Variants in ANKS1B observed in about 807,000 individuals in gnomAD.
ANKS1B encodes the protein ankyrin repeat and sterile alpha motif domain-containing protein 1B.
In ANKS1B, 36 loss-of-function variants were observed where a neutral mutation model predicts 148.3. That is an observed-to-expected ratio of 0.24 (90% CI 0.19 to 0.32). ANKS1B has a LOEUF of 0.32. Ranked by LOEUF, ANKS1B falls within the 10% of genes least tolerant of loss-of-function variation. The pLI is 1.00. For missense variants in ANKS1B, 1,157 were observed against 1,542.6 expected, an observed-to-expected ratio of 0.75 and a Z score of 4.19; for synonymous variants, 542 against 560.8, an observed-to-expected ratio of 0.97 and a Z score of 0.47.
intron 9 of ANKS1B, among the ~76,000 whole-genome samples, chr12:99,620,981 A>C (rs1367592429): frequency 6.6e-6 from 1 of 152,174 alleles, no homozygotes; most frequent in Non-Finnish European, 1.5e-5. Context: ...GTCAACACTA[A>C]AGAAAAAATC....
At chr12:99,679,044 C>T (rs2098598685) in intron 8 of ANKS1B, among the ~76,000 whole-genome samples, 2 of 151,988 alleles carry the variant, frequency 1.3e-5, no homozygotes, top group Admixed American at 6.5e-5. Flanking sequence ...AAAATGAAAA[C>T]GTCACTGAAG....
intron 17 of ANKS1B, among the ~76,000 whole-genome samples, chr12:98,846,025 C>CATATATAT (rs61065461): frequency 0.029 from 4,409 of 149,860 alleles, 92 homozygotes; most frequent in Non-Finnish European, 0.044. Context: ...CACATACACA[C>CATATATAT]ATATATATAT....
chr12:99,635,773 T>G (rs2098228974), intron 9 of ANKS1B, among the ~76,000 whole-genome samples: 1 of 152,178 alleles, frequency 6.6e-6, no homozygotes, highest in South Asian at 2.1e-4. Context: ...CTTCACAATT[T>G]TTTTTAAAGT....
At chr12:98,757,314 T>G (rs1291448535) in intron 25 of ANKS1B, among the ~76,000 whole-genome samples, 1 of 152,202 alleles carries the variant, frequency 6.6e-6, no homozygotes, top group Non-Finnish European at 1.5e-5. Flanking sequence ...AGGCCCCAGA[T>G]GTTGTTGAGC....
intron 15 of ANKS1B, among the ~76,000 whole-genome samples, chr12:99,117,887 T>C (rs1358935563): frequency 6.6e-6 from 1 of 152,208 alleles, no homozygotes; most frequent in East Asian, 1.9e-4. Flanking sequence ...TTGTTATTGG[T>C]CTATTCAGGG....
At chr12:99,896,366 T>C (rs1257331637) in intron 1 of ANKS1B, among the ~76,000 whole-genome samples, 2 of 151,242 alleles carry the variant, frequency 1.3e-5, no homozygotes, top group Non-Finnish European at 3.0e-5. Flanking sequence ...TTTCTATGTT[T>C]GGCTTATTTC....
At position 99,732,190 on chromosome 12, in the gene ANKS1B, T is replaced by C. The variant is rs146915823; in HGVS notation, c.1128+40732A>G. 2.1e-3 allele frequency among the ~76,000 whole-genome samples: 316 copies of C among 152,318 alleles called. 1 individual carries two copies. Among genetic ancestry groups the C allele is most frequent in the Non-Finnish European group, 3.6e-3 (247 of 68,028 alleles). ...GGGTACAGAGCAACTGTAATACTTA[T>C]ACATTACTGATTGGAACTTAATACG... On this transcript the variant is annotated intron_variant, in intron 8 of 26. Coordinates refer to ENST00000683438, the MANE Select transcript of ANKS1B (RefSeq NM_001352186.2).
At chr12:99,017,996 C>T (rs1036055353) in intron 17 of ANKS1B, among the ~76,000 whole-genome samples, 4 of 152,162 alleles carry the variant, frequency 2.6e-5, no homozygotes, top group Non-Finnish European at 5.9e-5. Flanking sequence ...AAAAAACAGC[C>T]ATAGATGCAT....
intron 12 of ANKS1B, among the ~76,000 whole-genome samples, chr12:99,293,926 A>G (rs2080439529): frequency 6.6e-6 from 1 of 152,224 alleles, no homozygotes; most frequent in Non-Finnish European, 1.5e-5. Context: ...GTGAAAAGAT[A>G]CTCAACAACA....
intron 21 of ANKS1B, among the ~76,000 whole-genome samples, chr12:98,800,332 G>A (rs573421545): frequency 8.7e-4 from 132 of 151,538 alleles, no homozygotes; most frequent in Non-Finnish European, 1.6e-3. Flanking sequence ...TAAGTTATCA[G>A]GGAAGTTTGC....
chr12:99,209,432 T>C (rs945885134), intron 14 of ANKS1B, among the ~76,000 whole-genome samples: 1 of 152,200 alleles, frequency 6.6e-6, no homozygotes, highest in Non-Finnish European at 1.5e-5. Flanking sequence ...GAGTTTTTAC[T>C]ATCTGCCTGT....
chr12:99,211,497 C>T (rs1413069403), intron 14 of ANKS1B, among the ~76,000 whole-genome samples: 4 of 152,196 alleles, frequency 2.6e-5, no homozygotes, highest in African/African-American at 9.7e-5. Context: ...AACCCATCTC[C>T]TCTTGCTTAG....
rs548773934 is a variant in ANKS1B, at chr12:99,237,605, C to A, written c.2419+6737G>T. Among the ~76,000 whole-genome samples the A allele has an allele frequency of 5.9e-5, 9 of 152,268 alleles. No homozygotes were observed. In the East Asian group the frequency reaches 1.7e-3, roughly 29 times the overall value. Reference sequence around the variant, plus strand: ...GGGATACATAAAGATGATTAACACACAGTTCTTGCAAAATTGGAGCCCACA... The same window carrying A: ...GGGATACATAAAGATGATTAACACAAAGTTCTTGCAAAATTGGAGCCCACA... On this transcript the variant is annotated intron_variant, in intron 14 of 26. Coordinates refer to ENST00000683438, the MANE Select transcript of ANKS1B (RefSeq NM_001352186.2).
At chr12:99,009,839 T>C (rs1387142468) in intron 17 of ANKS1B, among the ~76,000 whole-genome samples, 2 of 107,410 alleles carry the variant, frequency 1.9e-5, no homozygotes, top group Middle Eastern at 4.5e-3. Flanking sequence ...GAGTCATCTA[T>C]GCAAAAAAAA....
At chr12:99,566,931 C>T (rs1340849597) in intron 9 of ANKS1B, among the ~76,000 whole-genome samples, 1 of 152,134 alleles carries the variant, frequency 6.6e-6, no homozygotes, top group Non-Finnish European at 1.5e-5. Context: ...AAAGCTGCTC[C>T]CATATTTTAG....
chr12:99,975,893 T>C (rs1414068780), intron 1 of ANKS1B, among the ~76,000 whole-genome samples: 4 of 152,160 alleles, frequency 2.6e-5, no homozygotes, highest in Non-Finnish European at 4.4e-5. Flanking sequence ...AAAAGACACA[T>C]GCATTCATGT....
At chr12:98,780,335 TGAG>T (rs1463850940) in intron 24 of ANKS1B, among the ~76,000 whole-genome samples, 3 of 152,228 alleles carry the variant, frequency 2.0e-5, no homozygotes, top group Non-Finnish European at 2.9e-5. Flanking sequence ...TGGGGTTTTG[TGAG>T]GAGGAGTCAG....
intron 9 of ANKS1B, among the ~76,000 whole-genome samples, chr12:99,570,386 G>A (rs374987146): frequency 6.6e-6 from 1 of 151,842 alleles, no homozygotes; most frequent in African/African-American, 2.4e-5. Flanking sequence ...AGTGGCTCAC[G>A]CCTGTAATCC....
intron 17 of ANKS1B, among the ~76,000 whole-genome samples, chr12:98,839,600 A>G (rs1456139740): frequency 6.6e-6 from 1 of 152,138 alleles, no homozygotes; most frequent in East Asian, 1.9e-4. Flanking sequence ...CCTATCAACA[A>G]TATTTAGATA....
Sources: gnomAD v4.1 joint callset for allele counts (sites outside exome capture counted in the v4.1 genomes callset) on GRCh38, gnomAD v4.1.1 for gene constraint, MANE v1.5 for transcripts, NCBI Gene and HGNC (gene_info 2026-07-23, HGNC 2026-07-21) for gene names.